FOCAD: variants seen among roughly 807,000 people sequenced by gnomAD.
FOCAD encodes the protein KIAA1797.
A neutral mutation model predicts 225.6 loss-of-function variants in FOCAD; 198 were observed. The observed-to-expected ratio is 0.88, with a 90% confidence interval of 0.78 to 0.99. The LOEUF (loss-of-function observed/expected upper bound fraction) is 0.99, where lower values mean the gene tolerates loss of function less well. Ranked by LOEUF, FOCAD falls within the 50% of genes least tolerant of loss-of-function variation. The pLI is 0.00. For missense variants in FOCAD, 2,713 were observed against 2,123.6 expected (o/e 1.28, Z -5.46); for synonymous variants, 897 against 755.0 (o/e 1.19, Z -3.08).
chr9:20,961,423 T>A (rs1032541182), intron 35 of FOCAD, among the ~76,000 whole-genome samples: 1 of 152,092 alleles, frequency 6.6e-6, no homozygotes, highest in Non-Finnish European at 1.5e-5. Flanking sequence ...TGTCCTAGGT[T>A]TATTTTGTAC....
intron 5 of FOCAD, among the ~76,000 whole-genome samples, chr9:20,756,550 C>T (rs1829070745): frequency 6.6e-6 from 1 of 152,146 alleles, no homozygotes; most frequent in African/African-American, 2.4e-5. Context: ...TCCTAGCAGT[C>T]TAAGATAACA....
chr9:20,767,316 T>A (rs1830132502), intron 7 of FOCAD, among the ~76,000 whole-genome samples: 1 of 147,686 alleles, frequency 6.8e-6, no homozygotes, highest in Admixed American at 6.7e-5. Context: ...GCAGCAAGAT[T>A]TATAGTCCTT....
At chr9:20,804,044 A>G (rs1424137207) in intron 11 of FOCAD, among the ~76,000 whole-genome samples, 5 of 152,190 alleles carry the variant, frequency 3.3e-5, no homozygotes, top group African/African-American at 1.2e-4. Context: ...GCATTGATTG[A>G]TAATGCCGAA....
In FOCAD at chr9:20,709,551, C is replaced by G. The variant is rs568417514; in HGVS notation, c.-32-5771C>G. On this transcript the variant is annotated intron_variant, in intron 1 of 43. Coordinates refer to ENST00000338382, the MANE Select transcript of FOCAD (RefSeq NM_001375567.1). ...AAAGTAGGACACGTACTACACTTGC[C>G]AATGCTAAAGTGACCATGTGTACTG... Among the ~76,000 whole-genome samples the G allele has an allele frequency of 3.1e-3, 462 of 149,432 alleles. 2 individuals are homozygous for G. The highest frequency in any genetic ancestry group is 0.011 in the African/African-American group (441 of 40,808).
intron 5 of FOCAD, among the ~76,000 whole-genome samples, chr9:20,753,324 A>G (rs200572905): frequency 5.3e-5 from 8 of 151,836 alleles, no homozygotes; most frequent in East Asian, 3.9e-4. Flanking sequence ...ATTATTTTGA[A>G]ATACGTCCCA....
intron 29 of FOCAD, among the ~76,000 whole-genome samples, chr9:20,945,369 G>A (rs1005854616): frequency 3.3e-5 from 5 of 152,172 alleles, no homozygotes; most frequent in African/African-American, 7.2e-5. Context: ...AAGCTGGACC[G>A]CTTGTACTCT....
At chr9:20,688,831 A>G (rs1822809563) in intron 1 of FOCAD, among the ~76,000 whole-genome samples, 2 of 152,218 alleles carry the variant, frequency 1.3e-5, no homozygotes, top group Admixed American at 1.3e-4. Context: ...GGTTTCCCAG[A>G]TAGGCCTGGA....
At chr9:20,679,396 C>T (rs534149535), upstream of FOCAD, among the ~76,000 whole-genome samples, 3 of 152,194 alleles carry the variant, frequency 2.0e-5, no homozygotes, top group Admixed American at 6.5e-5. Flanking sequence ...AATGGGTGGG[C>T]GTGTTGAGCC....
At chr9:20,871,781 G>A (rs746880513) in intron 18 of FOCAD, among the ~76,000 whole-genome samples, 10 of 135,492 alleles carry the variant, frequency 7.4e-5, no homozygotes, top group Admixed American at 2.2e-4. Flanking sequence ...GGGGGGAGGG[G>A]TAGCATTAGG....
intron 1 of FOCAD, among the ~76,000 whole-genome samples, chr9:20,709,579 T>C (rs1052896593): frequency 6.6e-6 from 1 of 152,064 alleles, no homozygotes; most frequent in Non-Finnish European, 1.5e-5. Context: ...GTGTACTGTT[T>C]TTTGAAATTC....
intron 5 of FOCAD, among the ~76,000 whole-genome samples, chr9:20,754,856 A>C (rs1563948084): frequency 2.6e-5 from 4 of 152,214 alleles, no homozygotes; most frequent in Admixed American, 2.6e-4. Context: ...ATGCATGGGC[A>C]GTTGTGCAAT....
At chr9:20,929,696 T>C in intron 27 of FOCAD, 100 bp downstream of exon 27, 2 of 933,828 alleles carry the variant, frequency 2.1e-6, no homozygotes, top group South Asian at 1.6e-5. Context: ...ATCTGAGCAA[T>C]ATGTGTTTGC....
At chr9:20,810,813 A>G (rs1041580617) in intron 11 of FOCAD, among the ~76,000 whole-genome samples, 12 of 152,034 alleles carry the variant, frequency 7.9e-5, no homozygotes, top group African/African-American at 2.9e-4. Context: ...TTCTACATCA[A>G]ACCCCTCAAG....
Position 20,764,604 on chromosome 9 carries a change from A to G in FOCAD, c.495-265A>G, listed in dbSNP as rs1829899689. ...CACTGATTTCAGAGATGTAGTTGCT[A>G]TTCTAATGTGCAAATAGAGACTGTC... On this transcript the variant is annotated intron_variant, in intron 6 of 43. Transcript: ENST00000338382. Among the ~76,000 whole-genome samples the G allele has an allele frequency of 1.3e-5, 2 of 152,208 alleles. 1 individual carries two copies. The highest frequency in any genetic ancestry group is 4.1e-4 in the South Asian group (2 of 4,832).
At chr9:20,951,463 C>T (rs1237053140) in intron 34 of FOCAD, among the ~76,000 whole-genome samples, 2 of 152,114 alleles carry the variant, frequency 1.3e-5, no homozygotes, top group Admixed American at 1.3e-4. Flanking sequence ...AATTTGGTGA[C>T]AAATCTAGAA....
intron 4 of FOCAD, 124 bp downstream of exon 4, chr9:20,720,658 C>G: frequency 1.1e-6 from 1 of 892,440 alleles, no homozygotes; most frequent in Admixed American, 2.6e-5. Context: ...CTTAAAATGT[C>G]ATGAGTTGCT....
chr9:20,659,577 A>G (rs145645086), intron 2 of FOCAD, among the ~76,000 whole-genome samples: 132 of 152,330 alleles, frequency 8.7e-4, no homozygotes, highest in African/African-American at 3.1e-3. Context: ...CTGCATGTCA[A>G]GGAGCTAGGC....
chr9:20,734,858 A>G (rs1827008076), intron 4 of FOCAD, among the ~76,000 whole-genome samples: 1 of 152,068 alleles, frequency 6.6e-6, no homozygotes, highest in Non-Finnish European at 1.5e-5. Flanking sequence ...TATGGTCTCA[A>G]ATTCCTGGGC....
upstream of FOCAD, chr9:20,683,884 G>A (rs1388814203): frequency 6.6e-6 from 1 of 152,182 alleles, no homozygotes; most frequent in Non-Finnish European, 1.5e-5. Context: ...CCAAGAAGCT[G>A]TTCTGTATTG....
Sources: gnomAD v4.1 joint callset for allele counts (sites outside exome capture counted in the v4.1 genomes callset) on GRCh38, gnomAD v4.1.1 for gene constraint, MANE v1.5 for transcripts, NCBI Gene and HGNC (gene_info 2026-07-23, HGNC 2026-07-21) for gene names.